Variants in RIT2 observed in about 807,000 individuals in gnomAD.
The protein encoded by RIT2 is GTP-binding protein Rit2.
In RIT2, 24 loss-of-function variants were observed where a neutral mutation model predicts 23.7. That is an observed-to-expected ratio of 1.01 (90% CI 0.73 to 1.43). The LOEUF (loss-of-function observed/expected upper bound fraction) is 1.43. Among genes scored for constraint, RIT2 ranks in the 40% most tolerant of loss-of-function variants. RIT2 has a pLI of 0.00. For synonymous variants in RIT2, 107 were observed against 91.1 expected (o/e 1.17, Z -0.99); for missense variants, 236 against 266.9 (o/e 0.88, Z 0.81).
chr18:42,828,690 T>C (rs2144004860), intron 4 of RIT2, among the ~76,000 whole-genome samples: 2 of 152,236 alleles, frequency 1.3e-5, no homozygotes, highest in Admixed American at 1.3e-4. Flanking sequence ...GAAAGAAATA[T>C]GGAAAGTCAA....
intron 1 of RIT2, among the ~76,000 whole-genome samples, chr18:43,112,728 A>T (rs1172610631): frequency 6.6e-6 from 1 of 152,200 alleles, no homozygotes; most frequent in Non-Finnish European, 1.5e-5. Context: ...ACATAGTGAG[A>T]GCCCATCTCT....
intron 3 of RIT2, among the ~76,000 whole-genome samples, chr18:42,968,544 A>G (rs1193332924): frequency 2.0e-5 from 3 of 152,206 alleles, no homozygotes; most frequent in Non-Finnish European, 4.4e-5. Context: ...GGTTGTAAAC[A>G]TATTCTGTCT....
intron 4 of RIT2, among the ~76,000 whole-genome samples, chr18:42,794,982 G>C (rs939092791): frequency 2.0e-5 from 3 of 152,200 alleles, no homozygotes; most frequent in Admixed American, 1.3e-4. Context: ...TAGAAAAATT[G>C]ACACTAACAT....
At chr18:43,114,989 AC>A (rs775154813) in intron 1 of RIT2, among the ~76,000 whole-genome samples, 1 of 152,144 alleles carries the variant, frequency 6.6e-6, no homozygotes, top group Non-Finnish European at 1.5e-5. Flanking sequence ...ACAACAATCA[AC>A]ACCCATCATC....
In RIT2 at chr18:42,775,885, A is replaced by G. The variant is rs1233283083; in HGVS notation, c.427-32165T>C. On this transcript the variant is annotated intron_variant, in intron 4 of 4. Coordinates refer to ENST00000326695, the MANE Select transcript of RIT2 (RefSeq NM_002930.4). ...TACACACACACACACACACACAGAG[A>G]TGTAAATACACACATACACACACTT... is the stretch of plus-strand genomic sequence containing the variant. Among the ~76,000 whole-genome samples the G allele has an allele frequency of 7.2e-5, 11 of 151,974 alleles. No individual in the cohort carries two copies. The East Asian group carries it at 2.1e-3, about 29-fold the overall frequency.
At chr18:42,896,325 G>C (rs901809325) in intron 4 of RIT2, among the ~76,000 whole-genome samples, 1 of 152,148 alleles carries the variant, frequency 6.6e-6, no homozygotes, top group African/African-American at 2.4e-5. Flanking sequence ...TGGATTCAAC[G>C]TCCACTTCAA....
At chr18:43,035,458 G>T (rs777832466) in intron 1 of RIT2, among the ~76,000 whole-genome samples, 1 of 152,084 alleles carries the variant, frequency 6.6e-6, no homozygotes, top group Non-Finnish European at 1.5e-5. Context: ...CCCTCTCTTA[G>T]TTCCTGACTG....
intron 1 of RIT2, among the ~76,000 whole-genome samples, chr18:43,109,341 T>A (rs1216334536): frequency 1.3e-5 from 2 of 152,224 alleles, no homozygotes; most frequent in African/African-American, 4.8e-5. Flanking sequence ...TTGTGTTGTG[T>A]AACTTTTTCA....
chr18:42,866,889 T>G (rs1186433626), intron 4 of RIT2, among the ~76,000 whole-genome samples: 1 of 152,306 alleles, frequency 6.6e-6, no homozygotes, highest in East Asian at 1.9e-4. Flanking sequence ...ATTTCTTACA[T>G]GGCTTTTGTT....
chr18:43,003,436 T>C (rs1438262754), intron 2 of RIT2, among the ~76,000 whole-genome samples: 3 of 151,934 alleles, frequency 2.0e-5, no homozygotes. Flanking sequence ...CAAACAGTAA[T>C]CAGAGTTGAT....
intron 3 of RIT2, among the ~76,000 whole-genome samples, chr18:42,932,896 G>T (rs570469162): frequency 2.6e-4 from 39 of 151,632 alleles, no homozygotes; most frequent in African/African-American, 9.2e-4. Flanking sequence ...CCTTTATTGA[G>T]AATAATTTTT....
At chr18:42,999,083 C>A (rs889828499) in intron 2 of RIT2, among the ~76,000 whole-genome samples, 1 of 151,946 alleles carries the variant, frequency 6.6e-6, no homozygotes, top group African/African-American at 2.4e-5. Context: ...TCTCCCTACC[C>A]CTTTCCCGTC....
intron 4 of RIT2, among the ~76,000 whole-genome samples, chr18:42,837,803 TA>T (rs981470189): frequency 4.6e-5 from 7 of 152,224 alleles, no homozygotes; most frequent in Admixed American, 6.5e-5. Context: ...TACATGTAAT[TA>T]AAAAAATCTT....
At chr18:43,096,870 T>C (rs1913567139) in intron 1 of RIT2, among the ~76,000 whole-genome samples, 1 of 151,892 alleles carries the variant, frequency 6.6e-6, no homozygotes, top group African/African-American at 2.4e-5. Flanking sequence ...CTTGAATAAG[T>C]AAATTTTGAG....
At chr18:42,781,393 T>G (rs1913808098) in intron 4 of RIT2, among the ~76,000 whole-genome samples, 1 of 152,088 alleles carries the variant, frequency 6.6e-6, no homozygotes, top group African/African-American at 2.4e-5. Flanking sequence ...AAGAACAGAT[T>G]GAAATTGGTG....
At chr18:42,882,982 T>C (rs1228660879) in intron 4 of RIT2, among the ~76,000 whole-genome samples, 1 of 152,206 alleles carries the variant, frequency 6.6e-6, no homozygotes, top group South Asian at 2.1e-4. Context: ...GTATATATTA[T>C]ATGTTTATAT....
intron 3 of RIT2, among the ~76,000 whole-genome samples, chr18:42,935,823 A>AAAGTTTTCTGGAGTTTAAGTGCCCCATTT (rs1909440909): frequency 6.6e-6 from 1 of 152,072 alleles, no homozygotes; most frequent in African/African-American, 2.4e-5. Context: ...CCCCGGTGAC[A>AAAGTTTTCTGGAGTTTAAGTGCCCCATTT]AAGTTTTCTG....
chr18:42,906,795 C>T (rs1908634369), intron 4 of RIT2, among the ~76,000 whole-genome samples: 1 of 152,088 alleles, frequency 6.6e-6, no homozygotes, highest in Admixed American at 6.6e-5. Context: ...GCTTTGTTTC[C>T]CTCATTAAGA....
At chr18:43,004,029 T>G (rs4635414) in intron 2 of RIT2, among the ~76,000 whole-genome samples, 2 of 151,674 alleles carry the variant, frequency 1.3e-5, no homozygotes, top group African/African-American at 4.8e-5. Context: ...CTGTACTGAT[T>G]TTTCCCCCCG....
Sources: allele counts gnomAD v4.1 joint callset (sites outside exome capture counted in the v4.1 genomes callset), GRCh38; gene constraint gnomAD v4.1.1; transcripts MANE v1.5; gene names NCBI Gene and HGNC (gene_info 2026-07-23, HGNC 2026-07-21).